The following EPB41 variants were observed in gnomAD, a reference collection of about 807,000 sequenced individuals.
The protein encoded by EPB41 is erythrocyte membrane protein band 4.1, also known as protein 4.1.
EPB41 carries 65 observed loss-of-function variants against 108.0 expected under a neutral mutation model. The observed-to-expected ratio is 0.60, with a 90% CI of 0.49 to 0.74. The LOEUF (loss-of-function observed/expected upper bound fraction) is 0.74. Ranked by LOEUF, EPB41 falls within the 30% of genes least tolerant of loss-of-function variation. The pLI, the probability that EPB41 is intolerant of heterozygous loss-of-function variation, is 0.00. For synonymous variants in EPB41, 336 were observed against 358.9 expected, an observed-to-expected ratio of 0.94 and a Z score of 0.72; for missense variants, 875 against 1,037.0, an observed-to-expected ratio of 0.84 and a Z score of 2.15.
At chr1:28,904,849 C>T (rs191140873) in intron 1 of EPB41, among the ~76,000 whole-genome samples, 2 of 151,846 alleles carry the variant, frequency 1.3e-5, no homozygotes, top group Non-Finnish European at 2.9e-5. Flanking sequence ...CTGGCTAACA[C>T]GGTGAAACCC....
intron 1 of EPB41, among the ~76,000 whole-genome samples, chr1:28,930,516 T>C (rs1182127912): frequency 1.4e-5 from 2 of 145,334 alleles, no homozygotes; most frequent in East Asian, 4.1e-4. Flanking sequence ...ACTGAGTCTC[T>C]CTCTGTTGCC....
chr1:29,064,289 A>C (rs1353849893), intron 15 of EPB41, among the ~76,000 whole-genome samples: 4 of 152,192 alleles, frequency 2.6e-5, no homozygotes, highest in African/African-American at 9.7e-5. Flanking sequence ...CATATTGTTG[A>C]CAAAGAAAAA....
rs184872308 is a variant in EPB41 at position 29,002,870 on chromosome 1, T to C, written c.786+5551T>C. ...AAAAAGCTGATTAGTTTACATCAAG[T>C]TACTTTTCTTCTAAATGCTAAAGCA... is the stretch of plus-strand genomic sequence containing the variant. On this transcript the variant is annotated intron_variant, in intron 4 of 20. Transcript: ENST00000343067. Among the ~76,000 whole-genome samples the C allele has an allele frequency of 4.6e-5, 7 of 152,336 alleles. No individual in the cohort carries two copies. In the South Asian group the frequency reaches 1.4e-3, roughly 32 times the overall value.
At chr1:29,041,185 A>AAATC (rs1641413417) in intron 11 of EPB41, 1 of 147,570 alleles carries the variant, frequency 6.8e-6, no homozygotes, top group South Asian at 2.1e-4. Context: ...ATAAATAAAT[A>AAATC]AATGTTCAGA....
rs1015696754 is a variant in EPB41, at chr1:29,068,911, A to C, written c.2184+3753A>C. On this transcript the variant is annotated intron_variant, in intron 16 of 20. Transcript: ENST00000343067. ...TTTTTTTCTTTTGGCTATACTAGTA[A>C]ATTCACACCCACAGCCTTTCGGCCT... 1.5e-5 allele frequency: 12 copies of C among 785,236 alleles called. No individual in the cohort carries two copies. In the African/African-American group the frequency reaches 2.2e-4, roughly 14 times the overall value. 48.6% of individuals were successfully genotyped at this position (785,236 alleles called of 1,614,324 possible).
chr1:29,115,622 A>T lies in EPB41; in HGVS notation c.2497-77A>T. On this transcript the variant is annotated intron_variant, in intron 19 of 20. Transcript: ENST00000343067. This position sits in a 1 kb window ranked among gnomAD's most constrained non-coding sequence, Gnocchi z 4.4. ...GGAGTATTGGATCTGTCAGAACATC[A>T]GAGAAATGATGACCACTGCCTTCCT... is the stretch of plus-strand genomic sequence containing the variant. 8.0e-7 allele frequency: 1 copy of T among 1,242,708 alleles called. No individual in the cohort carries two copies. 77.0% of individuals were successfully genotyped at this position (1,242,708 alleles called of 1,614,324 possible).
chr1:29,026,105 T>C (rs1044286442), intron 7 of EPB41, among the ~76,000 whole-genome samples: 1 of 152,036 alleles, frequency 6.6e-6, no homozygotes, highest in Non-Finnish European at 1.5e-5. Flanking sequence ...CCACGTGTGC[T>C]GAGTAGCCCA....
chr1:29,103,599 C>T (rs1666158799), intron 17 of EPB41, among the ~76,000 whole-genome samples: 1 of 152,090 alleles, frequency 6.6e-6, no homozygotes, highest in Non-Finnish European at 1.5e-5. Context: ...AAACATTTGC[C>T]TTTATTTCAT....
intron 3 of EPB41, among the ~76,000 whole-genome samples, chr1:28,994,882 G>A (rs1047989580): frequency 6.7e-6 from 1 of 149,794 alleles, no homozygotes; most frequent in Non-Finnish European, 1.5e-5. Flanking sequence ...TTACTCTTGA[G>A]CTCCCCGGCT....
chr1:29,004,497 A>T (rs1164209346), intron 4 of EPB41, among the ~76,000 whole-genome samples: 1 of 152,236 alleles, frequency 6.6e-6, no homozygotes, highest in African/African-American at 2.4e-5. Context: ...GTTTATAGTC[A>T]TCTGAAAGGA....
rs1243626719 is a variant in EPB41, at chr1:29,009,763, G to C, written c.787-2102G>C. On this transcript the variant is annotated intron_variant, in intron 4 of 20. Coordinates refer to ENST00000343067, the MANE Select transcript of EPB41 (RefSeq NM_001376013.1). ...CTTTCTGACAGGCTTAAACAAGTATGTGCTTATTTTTATACCTTAGAACAA... is the reference window on the plus strand; with the variant it reads ...CTTTCTGACAGGCTTAAACAAGTATCTGCTTATTTTTATACCTTAGAACAA... Among the ~76,000 whole-genome samples the C allele has an allele frequency of 2.6e-5, 4 of 152,070 alleles. No homozygotes were observed. The East Asian group carries it at 7.7e-4, about 29-fold the overall frequency.
In EPB41 at chr1:29,115,845, C is replaced by A. The variant is rs758843820; in HGVS notation, c.*6+42C>A. 1.3e-5 allele frequency: 20 copies of A among 1,505,388 alleles called. No individual in the cohort carries two copies. Among genetic ancestry groups the A allele is most frequent in the Non-Finnish European group, 1.8e-5 (19 of 1,082,182 alleles). 93.3% of individuals were successfully genotyped at this position (1,505,388 alleles called of 1,614,324 possible). A position where few individuals can be genotyped will look rare whatever the true frequency, so the allele number is the denominator to read the frequency against. On this transcript the variant is annotated intron_variant, in intron 20 of 20. Transcript: ENST00000343067. The surrounding 1 kb of genome is among the most constrained non-coding windows in gnomAD (Gnocchi z 4.4). ...CTGGGGCTGAGGGTGCCCACAGTCC[C>A]AGCCTGAGAGGGCTCTGGATGGGAC...
At chr1:28,993,233 C>T in intron 2 of EPB41, 97 bp from the exon 3 acceptor site, 1 of 982,946 alleles carries the variant, frequency 1.0e-6, no homozygotes, top group Non-Finnish European at 1.6e-6. Flanking sequence ...TGTTTTAGTT[C>T]ATGCTTTTAT....
chr1:29,012,014 C>G (rs1572419538), intron 5 of EPB41, 107 bp downstream of exon 5: 1 of 1,195,360 alleles, frequency 8.4e-7, no homozygotes, highest in South Asian at 1.3e-5. Context: ...CTGACTACTG[C>G]AGATTGCTTT....
intron 1 of EPB41, among the ~76,000 whole-genome samples, chr1:28,947,405 TCAGA>T (rs749360542): frequency 1.0e-4 from 12 of 114,564 alleles, no homozygotes; most frequent in South Asian, 3.2e-4. Context: ...AGACTCCGTC[TCAGA>T]CAAACAAACA....
chr1:28,936,001 G>A (rs2148664598), intron 1 of EPB41, among the ~76,000 whole-genome samples: 1 of 151,612 alleles, frequency 6.6e-6, no homozygotes, highest in South Asian at 2.1e-4. Flanking sequence ...GCCTCACCTA[G>A]TATACTTCTC....
intron 1 of EPB41, among the ~76,000 whole-genome samples, chr1:28,915,082 G>A (rs1254336127): frequency 6.6e-6 from 1 of 151,952 alleles, no homozygotes; most frequent in Non-Finnish European, 1.5e-5. Context: ...GTCAATCACG[G>A]TGCGGTGTGC....
intron 1 of EPB41, among the ~76,000 whole-genome samples, chr1:28,921,667 C>T (rs962374299): frequency 4.0e-5 from 6 of 151,750 alleles, no homozygotes; most frequent in African/African-American, 1.5e-4. Context: ...GCAGTCTTTC[C>T]AGTCTTGATG....
intron 16 of EPB41, among the ~76,000 whole-genome samples, chr1:29,078,912 A>G (rs1655217368): frequency 6.6e-6 from 1 of 152,174 alleles, no homozygotes; most frequent in African/African-American, 2.4e-5. Flanking sequence ...CCCCTAAAGA[A>G]TAAAGAAACC....
Sources: allele counts gnomAD v4.1 joint callset (sites outside exome capture counted in the v4.1 genomes callset), GRCh38; gene constraint gnomAD v4.1.1; non-coding constraint Gnocchi (gnomAD v3.1); transcripts MANE v1.5; gene names NCBI Gene and HGNC (gene_info 2026-07-23, HGNC 2026-07-21).